Variants in SASH1 observed in about 807,000 individuals in gnomAD.
The protein encoded by SASH1 is SAM and SH3 domain-containing protein 1.
Under a neutral mutation model 125.2 loss-of-function variants are expected in SASH1, and 44 were observed. That is an observed-to-expected ratio of 0.35 (90% CI 0.28 to 0.45). SASH1 has a LOEUF of 0.45. Among genes scored for constraint, SASH1 ranks in the 20% least tolerant of loss-of-function variants. SASH1 has a pLI of 1.00. For missense variants in SASH1, 1,426 were observed against 1,614.5 expected (o/e 0.88, Z 2.00); for synonymous variants, 639 against 649.1 (o/e 0.98, Z 0.24).
At chr6:148,224,180 C>T in the SASH1 span, among the ~76,000 whole-genome samples, 2 of 151,984 alleles carry the variant, frequency 1.3e-5, no homozygotes, top group Non-Finnish European at 2.9e-5. Flanking sequence ...CCTATAATTC[C>T]AATGCTTTGG....
intron 4 of SASH1, among the ~76,000 whole-genome samples, chr6:148,458,699 C>G (rs1301325375): frequency 6.6e-6 from 1 of 152,090 alleles, no homozygotes; most frequent in Non-Finnish European, 1.5e-5. Context: ...GGCATGGGGG[C>G]TCACACCTGT....
chr6:148,302,706 GTA>G (rs773060900), intron 1 of SASH1, among the ~76,000 whole-genome samples: 66 of 142,030 alleles, frequency 4.6e-4, no homozygotes, highest in African/African-American at 1.6e-3. Context: ...TACACACTGT[GTA>G]TATATATATA....
rs757805041 is a variant in SASH1, at chr6:148,531,539, A to T, written c.1442A>T (p.Asp481Val). Residue 481 changes from aspartate (D) to valine (V), a missense_variant, in exon 13 of 20, where the codon GAT becomes GTT. This residue lies in a region of SASH1 where 225 missense variants were observed against 344.5 expected (regional missense o/e 0.65). Transcript: ENST00000367467. ...AACCCATGGCAGGACTCGGGCCTTG[A>T]TGGAATGCCTGGCTCCCCTCCGCCT... ...SSVSEQDSGL[D>V]GMPGSPPPSQ... 2.6e-6 allele frequency: 4 copies of T among 1,546,682 alleles called. No individual in the cohort carries two copies. The highest frequency in any genetic ancestry group is 3.5e-6 in the Non-Finnish European group (4 of 1,144,688).
chr6:148,521,660 G>A (rs755158761), intron 10 of SASH1, among the ~76,000 whole-genome samples: 2 of 152,178 alleles, frequency 1.3e-5, no homozygotes, highest in Admixed American at 6.5e-5. Flanking sequence ...TTCAATGGTT[G>A]AGTTTTTGTT....
chr6:148,452,486 A>G (rs79013323), intron 4 of SASH1, among the ~76,000 whole-genome samples: 2,548 of 152,238 alleles, frequency 0.017, 72 homozygotes, highest in African/African-American at 0.054. Context: ...ATATCCCACT[A>G]TGTTGTAGCT....
At chr6:148,499,761 T>C (rs149848846) in intron 8 of SASH1, among the ~76,000 whole-genome samples, 34 of 152,300 alleles carry the variant, frequency 2.2e-4, no homozygotes, top group African/African-American at 8.2e-4. Context: ...TTGGGTAATA[T>C]GAGAAAATTA....
intron 4 of SASH1, among the ~76,000 whole-genome samples, chr6:148,444,637 A>G (rs893448504): frequency 3.3e-5 from 5 of 152,234 alleles, no homozygotes; most frequent in Admixed American, 6.5e-5. Flanking sequence ...AAGAAGGCCA[A>G]GGGAGATTTC....
At chr6:148,441,500 G>A (rs539491016) in intron 4 of SASH1, among the ~76,000 whole-genome samples, 1 of 152,256 alleles carries the variant, frequency 6.6e-6, no homozygotes, top group Non-Finnish European at 1.5e-5. Context: ...TGTTTTGCTT[G>A]CCTTGCCTCC....
chr6:148,294,955 A>G (rs972599570), intron 1 of SASH1, among the ~76,000 whole-genome samples: 5 of 152,238 alleles, frequency 3.3e-5, no homozygotes, highest in African/African-American at 1.2e-4. Flanking sequence ...TTTTGTGAAA[A>G]TGCATAGAAT....
chr6:148,550,494 A>T lies in SASH1; in HGVS notation c.*1936A>T, dbSNP rs1782823413. ...GTATTTTTTTCATGCATTAGTATGC[A>T]TTTTTAAAAAATAATGCATGTTTCT... On this transcript the variant is annotated 3_prime_UTR_variant, in exon 20 of 20. Coordinates refer to ENST00000367467, the MANE Select transcript of SASH1 (RefSeq NM_015278.5). 6.6e-6 allele frequency: 1 copy of T among 152,242 alleles called. No homozygotes were observed. Among genetic ancestry groups the T allele is most frequent in the African/African-American group, 2.4e-5 (1 of 41,468 alleles). The allele number at this position is 152,242 out of a possible 1,614,324, so 9.4% of individuals were successfully genotyped here. A position where few individuals can be genotyped will look rare whatever the true frequency, so the allele number is the denominator to read the frequency against.
chr6:148,280,077 C>G (rs1301756882), intron 1 of SASH1, among the ~76,000 whole-genome samples: 10 of 118,244 alleles, frequency 8.5e-5, no homozygotes, highest in Non-Finnish European at 1.6e-4. Context: ...ATCATTCCCC[C>G]CCGACATAAC....
At chr6:148,459,459 G>A (rs953479325) in intron 4 of SASH1, among the ~76,000 whole-genome samples, 2 of 152,206 alleles carry the variant, frequency 1.3e-5, no homozygotes, top group Non-Finnish European at 2.9e-5. Flanking sequence ...GTTTCTGCCA[G>A]TGACCCACAT....
At chr6:148,213,667 G>A in the SASH1 span, among the ~76,000 whole-genome samples, 1 of 151,956 alleles carries the variant, frequency 6.6e-6, no homozygotes, top group Non-Finnish European at 1.5e-5. Context: ...CAACCAACTG[G>A]TCAGTCCTGA....
intron 16 of SASH1, among the ~76,000 whole-genome samples, chr6:148,538,570 A>C (rs1782016382): frequency 6.6e-6 from 1 of 152,092 alleles, no homozygotes; most frequent in South Asian, 2.1e-4. Context: ...GTCACTTTAA[A>C]AGTAGCACTC....
At chr6:148,494,157 T>A (rs1779219465) in intron 8 of SASH1, among the ~76,000 whole-genome samples, 1 of 152,194 alleles carries the variant, frequency 6.6e-6, no homozygotes, top group Non-Finnish European at 1.5e-5. Context: ...TACTTGAATA[T>A]TAACAAAAAT....
intron 2 of SASH1, among the ~76,000 whole-genome samples, chr6:148,426,898 G>T (rs1040546361): frequency 1.3e-5 from 2 of 152,136 alleles, no homozygotes; most frequent in African/African-American, 4.8e-5. Flanking sequence ...ACTTTGGGAG[G>T]CTGAGGCGGC....
rs570166029 is a variant in SASH1 at position 148,273,864 on chromosome 6, C to T, written n.74+1487C>T. Among the ~76,000 whole-genome samples, 8 of 152,242 alleles carry T rather than the reference C, an allele frequency of 5.3e-5. No individual in the cohort carries two copies. The Middle Eastern group carries it at 0.02, about 388-fold the overall frequency. On this transcript the variant is annotated intron_variant and non_coding_transcript_variant, in intron 1 of 3. Transcript: ENST00000367469. ...GTGCCTGGTACTGTCGGTGCCCAGT[C>T]AATACTTGTTGAATGAAAGTAGAAT... is the stretch of plus-strand genomic sequence containing the variant.
At chr6:148,457,672 A>G (rs1777423072) in intron 4 of SASH1, among the ~76,000 whole-genome samples, 1 of 152,168 alleles carries the variant, frequency 6.6e-6, no homozygotes, top group Non-Finnish European at 1.5e-5. Context: ...CTTCGCCACT[A>G]ACTGTGTATT....
chr6:148,509,253 G>A (rs1168915044), intron 8 of SASH1: 4 of 234,026 alleles, frequency 1.7e-5, no homozygotes, highest in Non-Finnish European at 2.6e-5. Flanking sequence ...TAAGATTAAC[G>A]CTGTGACACA....
Sources: gnomAD v4.1 joint callset for allele counts (sites outside exome capture counted in the v4.1 genomes callset) on GRCh38, gnomAD v4.1.1 for gene constraint, gnomAD v4.1.1 regional missense constraint, MANE v1.5 for transcripts, NCBI Gene and HGNC (gene_info 2026-07-23, HGNC 2026-07-21) for gene names.